Variants in PAK3 observed in about 807,000 individuals in gnomAD.
The protein encoded by PAK3 is serine/threonine-protein kinase PAK 3.
PAK3 carries 4 observed loss-of-function variants against 41.0 expected under a neutral mutation model. That is an observed-to-expected ratio of 0.10 (90% CI 0.05 to 0.22). The LOEUF (loss-of-function observed/expected upper bound fraction) is 0.22. PAK3 is among the 10% of genes least tolerant of loss of function. The pLI is 1.00. For missense variants in PAK3, 205 were observed against 409.9 expected (o/e 0.50, Z 4.32); for synonymous variants, 146 against 139.6 (o/e 1.05, Z -0.32).
intron 1 of PAK3, among the ~76,000 whole-genome samples, chrX:111,058,739 G>T (rs1406309551): frequency 9.0e-6 from 1 of 111,431 alleles, no homozygotes; most frequent in Non-Finnish European, 1.9e-5. Context: ...AGAAAATGAT[G>T]CCTAGTCCAA....
intron 1 of PAK3, among the ~76,000 whole-genome samples, chrX:110,973,768 G>T (rs1187628726): frequency 8.9e-6 from 1 of 111,830 alleles, no homozygotes; most frequent in African/African-American, 3.3e-5. Context: ...ACACAGACTG[G>T]CAAATTGGAT....
At chrX:111,035,131 A>AAAAGAAAG (rs1556453358) in intron 1 of PAK3, among the ~76,000 whole-genome samples, 5 of 54,265 alleles carry the variant, frequency 9.2e-5, no homozygotes, top group Admixed American at 5.7e-4. Flanking sequence ...AAAAAAAAAA[A>AAAAGAAAG]AAAGAAAGAA....
chrX:111,063,043 T>C (rs1386017680), intron 1 of PAK3, among the ~76,000 whole-genome samples: 1 of 111,973 alleles, frequency 8.9e-6, no homozygotes, highest in Non-Finnish European at 1.9e-5. Flanking sequence ...AACCAGTGGC[T>C]GAAGCCAAAT....
At chrX:111,045,542 T>C (rs2092488910) in intron 1 of PAK3, among the ~76,000 whole-genome samples, 1 of 111,672 alleles carries the variant, frequency 9.0e-6, no homozygotes, top group Admixed American at 9.5e-5. Context: ...GATGTTTTTT[T>C]CCCCAGGATA....
At chrX:111,180,752 A>G (rs990577001) in intron 11 of PAK3, among the ~76,000 whole-genome samples, 1 of 111,705 alleles carries the variant, frequency 9.0e-6, no homozygotes, top group Admixed American at 9.5e-5. Flanking sequence ...TACTTTTTAA[A>G]CAGATGCAGT....
chrX:111,108,650 C>T (rs1056473786), intron 4 of PAK3, among the ~76,000 whole-genome samples: 4 of 112,407 alleles, frequency 3.6e-5, no homozygotes, highest in African/African-American at 1.3e-4. Context: ...CCAAAACCAC[C>T]CCATTGCCCC....
intron 10 of PAK3, among the ~76,000 whole-genome samples, chrX:111,171,764 G>C (rs1255270036): frequency 1.8e-5 from 2 of 111,116 alleles, no homozygotes; most frequent in African/African-American, 3.3e-5. Context: ...TTTCTTTCTG[G>C]AATAATGAAA....
chrX:111,029,808 T>C (rs2092320304), intron 1 of PAK3, among the ~76,000 whole-genome samples: 1 of 112,049 alleles, frequency 8.9e-6, no homozygotes, highest in African/African-American at 3.2e-5. Context: ...AGCATTGCAC[T>C]ATATGTGATG....
intron 4 of PAK3, among the ~76,000 whole-genome samples, chrX:111,121,836 TTAGAG>T (rs1170585575): frequency 9.0e-6 from 1 of 111,602 alleles, no homozygotes; most frequent in African/African-American, 3.3e-5. Flanking sequence ...AGGACTTGAA[TTAGAG>T]TAGGAAAATA....
At chrX:111,077,645 C>T (rs2092797638) in intron 1 of PAK3, among the ~76,000 whole-genome samples, 1 of 111,801 alleles carries the variant, frequency 8.9e-6, no homozygotes, top group African/African-American at 3.2e-5. Flanking sequence ...TCATAATATA[C>T]ACAAAGACTA....
intron 7 of PAK3, among the ~76,000 whole-genome samples, chrX:111,148,148 T>C (rs2093976062): frequency 8.9e-6 from 1 of 111,861 alleles, no homozygotes; most frequent in Non-Finnish European, 1.9e-5. Context: ...TCACAATTGT[T>C]GTCTCTTTAC....
chrX:110,988,732 G>A (rs957340216), intron 1 of PAK3, among the ~76,000 whole-genome samples: 9 of 112,002 alleles, frequency 8.0e-5, no homozygotes, highest in African/African-American at 2.9e-4. Flanking sequence ...AACAGAGTTG[G>A]TGGTTCTCTA....
Position 111,195,921 on chromosome X carries a change from T to A in PAK3, c.1190T>A (p.Met397Lys), listed in dbSNP as rs1167261829. The A allele has an allele frequency of 1.8e-6, 2 of 1,129,260 alleles. No individual in the cohort carries two copies. Among genetic ancestry groups the A allele is most frequent in the Non-Finnish European group, 2.4e-6 (2 of 820,161 alleles). 93.1% of individuals were successfully genotyped at this position (1,129,260 alleles called of 1,213,427 possible). A position where few individuals can be genotyped will look rare whatever the true frequency, so the allele number is the denominator to read the frequency against. Residue 397 changes from methionine (M) to lysine (K), a missense_variant, in exon 15 of 18, where the codon ATG (methionine) becomes AAG (lysine). By Grantham distance (95) the Met-to-Lys change is moderately conservative (BLOSUM62 -1). Transcript: ENST00000372007. ...AAGAGTGACAATATTCTTCTCGGGA[T>A]GGATGGCTCTGTTAAATTGAGTAGG... ...DIKSDNILLG[M>K]DGSVKLTDFG...
intron 1 of PAK3, among the ~76,000 whole-genome samples, chrX:110,977,716 T>C (rs1379997017): frequency 8.9e-6 from 1 of 112,242 alleles, no homozygotes; most frequent in Non-Finnish European, 1.9e-5. Flanking sequence ...TGCTACTGTA[T>C]ACAAATAAAA....
upstream of PAK3, among the ~76,000 whole-genome samples, chrX:111,091,710 T>C (rs2092930518): frequency 9.0e-6 from 1 of 111,636 alleles, no homozygotes; most frequent in African/African-American, 3.3e-5. Flanking sequence ...GAGACCCCTA[T>C]GATGGGCATG....
At chrX:111,104,877 G>C (rs950991260) in intron 4 of PAK3, among the ~76,000 whole-genome samples, 3 of 111,604 alleles carry the variant, frequency 2.7e-5, no homozygotes, top group African/African-American at 9.8e-5. Context: ...TAAGTAACTT[G>C]CCTGTAACAG....
rs766088004 is a variant in PAK3 at position 111,061,565 on chromosome X, T to C, written c.-27-61512T>C. 3.6e-5 allele frequency among the ~76,000 whole-genome samples: 4 copies of C among 112,042 alleles called. No individual in the cohort carries two copies. In the East Asian group the frequency reaches 1.1e-3, roughly 31 times the overall value. On this transcript the variant is annotated intron_variant, in intron 1 of 14. Coordinates refer to the PAK3 transcript ENST00000425146. Reference sequence around the variant, plus strand: ...CATTGCATTCATCTTATAAGATTACTTTTGTGAGAATTTATATCCTTAACA... The same window carrying C: ...CATTGCATTCATCTTATAAGATTACCTTTGTGAGAATTTATATCCTTAACA...
At chrX:110,994,959 A>G (rs1334864327) in intron 1 of PAK3, among the ~76,000 whole-genome samples, 3 of 112,337 alleles carry the variant, frequency 2.7e-5, no homozygotes, top group African/African-American at 9.7e-5. Flanking sequence ...TATGTAAAGC[A>G]CACAACACAG....
In PAK3 at chrX:111,106,609, A is replaced by T. The variant is rs6642862; in HGVS notation, c.-28+3303A>T. Among the ~76,000 whole-genome samples, 4 of 109,907 alleles carry T rather than the reference A, an allele frequency of 3.6e-5. No homozygotes were observed. The Admixed American group carries it at 3.9e-4, about 11-fold the overall frequency. On this transcript the variant is annotated intron_variant, in intron 4 of 17. Coordinates refer to ENST00000372007, the MANE Select transcript of PAK3 (RefSeq NM_002578.5). The stretch of plus-strand genomic sequence containing the variant: ...TAGTGACCCACACTCTCACTCATAC[A>T]TACTTTCCCAAACTCTTACACATCC...
Sources: gnomAD v4.1 joint callset for allele counts (sites outside exome capture counted in the v4.1 genomes callset) on GRCh38, gnomAD v4.1.1 for gene constraint, MANE v1.5 for transcripts, NCBI Gene and HGNC (gene_info 2026-07-23, HGNC 2026-07-21) for gene names.